EXOC4: variants seen among roughly 807,000 people sequenced by gnomAD.
EXOC4 encodes exocyst complex component 4, also known as SEC8-like 1.
Under a neutral mutation model 107.2 loss-of-function variants are expected in EXOC4, and 71 were observed. The observed-to-expected ratio is 0.66, with a 90% CI of 0.55 to 0.81. EXOC4 has a LOEUF of 0.81. EXOC4 is among the 30% of genes least tolerant of loss of function. The pLI is 0.00. For synonymous variants in EXOC4, 456 were observed against 441.2 expected (o/e 1.03, Z -0.42); for missense variants, 1,108 against 1,189.6 (o/e 0.93, Z 1.01).
chr7:133,358,781 CTT>C (rs5887621), intron 6 of EXOC4, among the ~76,000 whole-genome samples: 14 of 150,586 alleles, frequency 9.3e-5, no homozygotes, highest in East Asian at 5.9e-4. Flanking sequence ...GGAGTTTCAT[CTT>C]TTTTTTTTTC....
intron 9 of EXOC4, among the ~76,000 whole-genome samples, chr7:133,586,903 T>C (rs753209794): frequency 3.3e-5 from 5 of 152,158 alleles, no homozygotes; most frequent in Non-Finnish European, 7.3e-5. Context: ...CGATCTCGGC[T>C]CACTGCAACC....
chr7:133,364,069 A>G (rs1796192932), intron 6 of EXOC4, among the ~76,000 whole-genome samples: 1 of 152,070 alleles, frequency 6.6e-6, no homozygotes. Context: ...TGAGTTTATA[A>G]GGGGAGGTAA....
At chr7:133,908,282 A>G (rs1266000057) in intron 12 of EXOC4, among the ~76,000 whole-genome samples, 1 of 152,228 alleles carries the variant, frequency 6.6e-6, no homozygotes, top group East Asian at 1.9e-4. Flanking sequence ...CAGTCACAAC[A>G]ATTCTGTTGA....
chr7:133,608,603 G>A (rs1585029593), intron 9 of EXOC4, among the ~76,000 whole-genome samples: 1 of 137,796 alleles, frequency 7.3e-6, no homozygotes, highest in East Asian at 2.2e-4. Flanking sequence ...CCAGGCAAGA[G>A]TGCAGTGGCA....
Position 133,807,001 on chromosome 7 carries a change from A to G in EXOC4, c.1515-10324A>G, listed in dbSNP as rs536136281. Among the ~76,000 whole-genome samples, 154 of 152,322 alleles carry G rather than the reference A, an allele frequency of 1.0e-3. 1 individual carries two copies. The highest frequency in any genetic ancestry group is 3.6e-3 in the African/African-American group (148 of 41,576). On this transcript the variant is annotated intron_variant, in intron 10 of 17. Transcript: ENST00000253861. ...TCTTAAATAAATACGGTCGGCCCTC[A>G]TATCGCAGGGCTCTGCATCCACAAC...
intron 7 of EXOC4, among the ~76,000 whole-genome samples, chr7:133,412,278 GTT>G (rs35334259): frequency 2.5e-3 from 181 of 71,466 alleles, no homozygotes; most frequent in Non-Finnish European, 3.3e-3. Context: ...TCAGAATTCA[GTT>G]TTTTTTTTTT....
intron 9 of EXOC4, among the ~76,000 whole-genome samples, chr7:133,521,986 G>GT (rs201315803): frequency 0.014 from 2,010 of 146,766 alleles, 16 homozygotes; most frequent in Non-Finnish European, 0.016. Context: ...TGTGGATTCA[G>GT]TTTTTTTTTT....
intron 5 of EXOC4, among the ~76,000 whole-genome samples, chr7:133,325,832 G>A (rs1215338061): frequency 1.3e-5 from 2 of 152,148 alleles, no homozygotes; most frequent in African/African-American, 4.8e-5. Context: ...CATTCTCCCT[G>A]TCGCTTTCAG....
At chr7:133,382,533 T>C (rs1170480379) in intron 7 of EXOC4, among the ~76,000 whole-genome samples, 1 of 152,184 alleles carries the variant, frequency 6.6e-6, no homozygotes, top group Non-Finnish European at 1.5e-5. Context: ...TTAGTTTTCA[T>C]GTACTTGTTG....
At chr7:133,341,587 TTGAG>T (rs1168849836) in intron 5 of EXOC4, among the ~76,000 whole-genome samples, 2 of 152,210 alleles carry the variant, frequency 1.3e-5, no homozygotes, top group Admixed American at 1.3e-4. Flanking sequence ...TGTTTCTTTG[TTGAG>T]TTTCTGTCTT....
chr7:133,500,714 A>G (rs1194394867), intron 9 of EXOC4, among the ~76,000 whole-genome samples: 2 of 152,234 alleles, frequency 1.3e-5, no homozygotes, highest in Non-Finnish European at 2.9e-5. Context: ...CCAGTTTTGT[A>G]AAATAAATGT....
intron 9 of EXOC4, among the ~76,000 whole-genome samples, chr7:133,499,947 G>A (rs1361045016): frequency 6.6e-6 from 1 of 151,816 alleles, no homozygotes; most frequent in Non-Finnish European, 1.5e-5. Context: ...TCTTGATAGC[G>A]GTGTGAGAAC....
intron 9 of EXOC4, among the ~76,000 whole-genome samples, chr7:133,538,490 A>G (rs894691639): frequency 6.6e-6 from 1 of 152,174 alleles, no homozygotes; most frequent in Admixed American, 6.5e-5. Flanking sequence ...GGAATTTTAA[A>G]TCTCTTCAGG....
chr7:133,958,420 A>G (rs1190718494), intron 14 of EXOC4, among the ~76,000 whole-genome samples: 1 of 152,172 alleles, frequency 6.6e-6, no homozygotes, highest in East Asian at 1.9e-4. Flanking sequence ...ATATTTCCAC[A>G]GTATTTTGGT....
At chr7:133,863,149 A>G (rs1035724237) in intron 11 of EXOC4, among the ~76,000 whole-genome samples, 1 of 152,218 alleles carries the variant, frequency 6.6e-6, no homozygotes, top group African/African-American at 2.4e-5. Flanking sequence ...TTCTTTAAAA[A>G]GAAATCAGTG....
At chr7:133,895,933 C>T (rs562414558) in intron 12 of EXOC4, among the ~76,000 whole-genome samples, 198 bp downstream of exon 12, 72 of 152,264 alleles carry the variant, frequency 4.7e-4, no homozygotes, top group African/African-American at 1.5e-3. Context: ...GATGAAGGGA[C>T]GCAGCCACTA....
chr7:133,478,535 T>G (rs1372941604), intron 8 of EXOC4, among the ~76,000 whole-genome samples: 1 of 152,178 alleles, frequency 6.6e-6, no homozygotes, highest in African/African-American at 2.4e-5. Context: ...CAATCTCTAG[T>G]GCCTCTTTTA....
intron 6 of EXOC4, among the ~76,000 whole-genome samples, chr7:133,369,829 G>A (rs764974143): frequency 1.0e-4 from 10 of 99,460 alleles, no homozygotes; most frequent in Non-Finnish European, 1.7e-4. Context: ...TTTTTGAGAC[G>A]GAGTTTCGCT....
intron 7 of EXOC4, among the ~76,000 whole-genome samples, chr7:133,423,481 TGTGA>T (rs1360263541): frequency 6.6e-6 from 1 of 152,212 alleles, no homozygotes; most frequent in African/African-American, 2.4e-5. Context: ...ATTGTGTAGG[TGTGA>T]GTATGTGCAT....
Sources: gnomAD v4.1 joint callset for allele counts (sites outside exome capture counted in the v4.1 genomes callset) on GRCh38, gnomAD v4.1.1 for gene constraint, MANE v1.5 for transcripts, NCBI Gene and HGNC (gene_info 2026-07-23, HGNC 2026-07-21) for gene names.